ABI2: variants seen among roughly 807,000 people sequenced by gnomAD.
ABI2 encodes abl interactor 2, also known as abelson interactor 2.
In ABI2, 25 loss-of-function variants were observed where a neutral mutation model predicts 59.2. The observed-to-expected ratio is 0.42, with a 90% CI of 0.31 to 0.59. The LOEUF is 0.59. Ranked by LOEUF, ABI2 falls within the 20% of genes least tolerant of loss-of-function variation. The pLI, the probability that ABI2 is intolerant of heterozygous loss-of-function variation, is 0.14. For missense variants in ABI2, 545 were observed against 681.8 expected, an observed-to-expected ratio of 0.80 and a Z score of 2.23; for synonymous variants, 213 against 235.5, an observed-to-expected ratio of 0.90 and a Z score of 0.87.
At position 203,427,721 on chromosome 2, in the gene ABI2, C is replaced by G; in HGVS notation, c.*369C>G. The G allele has an allele frequency of 6.1e-6, 1 of 164,744 alleles. No individual in the cohort carries two copies. The highest frequency in any genetic ancestry group is 1.8e-4 in the South Asian group (1 of 5,466). The allele number at this position is 164,744 out of a possible 1,614,324, so 10.2% of individuals were successfully genotyped here. ...CTTGGGATTTCTCCTCCTGCAGAATCTGTGGCATTGGATGTTCTTCATTGC... is the reference window on the plus strand; with the variant it reads ...CTTGGGATTTCTCCTCCTGCAGAATGTGTGGCATTGGATGTTCTTCATTGC... On this transcript the variant is annotated 3_prime_UTR_variant, in exon 12 of 12. Transcript: ENST00000261018.
chr2:203,427,073 G>GA, intron 11 of ABI2, 104 bp from the exon 12 acceptor site: 1 of 955,154 alleles, frequency 1.0e-6, no homozygotes, highest in Non-Finnish European at 1.6e-6. Flanking sequence ...CACCATGTTT[G>GA]AGTGCTACAG....
chr2:203,396,008 G>T (rs2096966276), intron 7 of ABI2, among the ~76,000 whole-genome samples: 1 of 152,148 alleles, frequency 6.6e-6, no homozygotes, highest in Non-Finnish European at 1.5e-5. Context: ...CTGCTTTGAG[G>T]TTTCAGATCA....
At chr2:203,368,715 TAAA>T (rs898214542) in intron 2 of ABI2, among the ~76,000 whole-genome samples, 15 of 151,212 alleles carry the variant, frequency 9.9e-5, no homozygotes, top group Non-Finnish European at 1.9e-4. Flanking sequence ...TATCTTAAGT[TAAA>T]AAAAAATTGG....
chr2:203,328,463 C>A lies in ABI2; in HGVS notation c.-52C>A, dbSNP rs1036783430. 15 of 1,451,912 alleles carry A rather than the reference C, an allele frequency of 1.0e-5. No homozygotes were observed. The African/African-American group carries it at 1.7e-4, about 17-fold the overall frequency. The allele number at this position is 1,451,912 out of a possible 1,614,324, so 89.9% of individuals were successfully genotyped here. A position where few individuals can be genotyped will look rare whatever the true frequency, so the allele number is the denominator to read the frequency against. ...GTCCTGGGTTTCCTTGGCGCTGCGG[C>A]CGCCGCTCCCTCTGCGACCTGTATG... On this transcript the variant is annotated 5_prime_UTR_variant, in exon 1 of 12. Coordinates refer to ENST00000261018, the MANE Select transcript of ABI2 (RefSeq NM_001375670.1).
chr2:203,392,314 C>CAA (rs2096785181), intron 5 of ABI2, among the ~76,000 whole-genome samples: 20 of 123,326 alleles, frequency 1.6e-4, no homozygotes, highest in Middle Eastern at 3.8e-3. Flanking sequence ...ACCACCACCA[C>CAA]CAACAACAAC....
chr2:203,331,384 A>G (rs540641957), intron 1 of ABI2, among the ~76,000 whole-genome samples: 95 of 113,022 alleles, frequency 8.4e-4, no homozygotes, highest in Middle Eastern at 8.3e-3. Flanking sequence ...ACAGAGTCTC[A>G]CTCTGTCGCC....
At chr2:203,365,956 C>G (rs1250657643) in intron 1 of ABI2, among the ~76,000 whole-genome samples, 2 of 151,958 alleles carry the variant, frequency 1.3e-5, no homozygotes, top group Non-Finnish European at 2.9e-5. Context: ...GCTTACAGGA[C>G]TTTATTTGTA....
chr2:203,357,855 G>A (rs766421782), intron 1 of ABI2, among the ~76,000 whole-genome samples: 5 of 151,902 alleles, frequency 3.3e-5, no homozygotes, highest in African/African-American at 4.8e-5. Flanking sequence ...TGCAGCCTCC[G>A]CCTCCTGGCT....
rs544672551 is a variant in ABI2 at position 203,372,962 on chromosome 2, G to A, written c.285+5918G>A. Among the ~76,000 whole-genome samples the A allele has an allele frequency of 1.7e-3, 250 of 151,206 alleles. No individual in the cohort carries two copies. In the Middle Eastern group the frequency reaches 0.028, roughly 17 times the overall value. ...GACGGGATGGCGGCCAGGAAGAGGC[G>A]CTCCTCACTTTCCAGACTGGGCAGC... On this transcript the variant is annotated intron_variant, in intron 2 of 11. Transcript: ENST00000261018.
At chr2:203,411,622 G>A (rs1168542209) in intron 10 of ABI2, among the ~76,000 whole-genome samples, 2 of 152,136 alleles carry the variant, frequency 1.3e-5, no homozygotes, top group East Asian at 3.8e-4. Context: ...TACTGAGGAG[G>A]TATCTTTAAT....
intron 10 of ABI2, among the ~76,000 whole-genome samples, chr2:203,411,804 C>T (rs2097688237): frequency 6.6e-6 from 1 of 152,188 alleles, no homozygotes; most frequent in Non-Finnish European, 1.5e-5. Context: ...GGCTGCCAGT[C>T]TGTCTCCCAA....
chr2:203,405,621 T>C (rs1178634180), intron 9 of ABI2, among the ~76,000 whole-genome samples: 1 of 152,040 alleles, frequency 6.6e-6, no homozygotes, highest in African/African-American at 2.4e-5. Context: ...TTTTTTCATA[T>C]TTACAATGAG....
At chr2:203,363,425 C>G (rs2093827437) in intron 1 of ABI2, among the ~76,000 whole-genome samples, 1 of 151,928 alleles carries the variant, frequency 6.6e-6, no homozygotes, top group Non-Finnish European at 1.5e-5. Context: ...ATCCATTAAC[C>G]ATTCTCACTT....
At chr2:203,368,753 A>C (rs1295772314) in intron 2 of ABI2, among the ~76,000 whole-genome samples, 1 of 152,022 alleles carries the variant, frequency 6.6e-6, no homozygotes, top group African/African-American at 2.4e-5. Context: ...TGTAAGGTAA[A>C]TTTCAGTTGG....
In ABI2 at chr2:203,427,688, T is replaced by C. The variant is rs534083643; in HGVS notation, c.*336T>C. On this transcript the variant is annotated 3_prime_UTR_variant, in exon 12 of 12. Coordinates refer to ENST00000261018, the MANE Select transcript of ABI2 (RefSeq NM_001375670.1). ...AATCTGGGATCTTTCTCAGGAATAC[T>C]GTATACCCTTGGGATTTCTCCTCCT... 18 of 182,446 alleles carry C rather than the reference T, an allele frequency of 9.9e-5. No homozygotes were observed. The highest frequency in any genetic ancestry group is 3.3e-4 in the African/African-American group (14 of 42,816). The allele number at this position is 182,446 out of a possible 1,614,324, so 11.3% of individuals were successfully genotyped here.
chr2:203,362,373 A>G (rs888725064), intron 1 of ABI2, among the ~76,000 whole-genome samples: 2 of 152,344 alleles, frequency 1.3e-5, no homozygotes, highest in East Asian at 1.9e-4. Flanking sequence ...ATATAGCAGT[A>G]TAAGGTCATG....
intron 2 of ABI2, 85 bp downstream of exon 2, chr2:203,367,129 A>C: frequency 7.0e-7 from 1 of 1,419,592 alleles, no homozygotes; most frequent in Middle Eastern, 1.9e-4. Flanking sequence ...AGCTTTTATT[A>C]TGTAAGTTAA....
intron 1 of ABI2, among the ~76,000 whole-genome samples, chr2:203,353,699 T>C (rs558005755): frequency 1.3e-5 from 2 of 152,282 alleles, no homozygotes; most frequent in South Asian, 4.1e-4. Context: ...GGTTTTACCA[T>C]GTTGGCCAGG....
At chr2:203,336,336 C>T (rs2076432308) in intron 1 of ABI2, among the ~76,000 whole-genome samples, 1 of 152,088 alleles carries the variant, frequency 6.6e-6, no homozygotes, top group Non-Finnish European at 1.5e-5. Context: ...ACTGTTGTAC[C>T]CTGGTAACAG....
Sources: gnomAD v4.1 joint callset for allele counts (sites outside exome capture counted in the v4.1 genomes callset) on GRCh38, gnomAD v4.1.1 for gene constraint, MANE v1.5 for transcripts, NCBI Gene and HGNC (gene_info 2026-07-23, HGNC 2026-07-21) for gene names.